ARHGEF11: variants seen among roughly 807,000 people sequenced by gnomAD.
ARHGEF11 encodes the protein Rho guanine exchange factor (GEF) 11.
ARHGEF11 carries 55 observed loss-of-function variants against 193.7 expected under a neutral mutation model. That is an observed-to-expected ratio of 0.28 (90% confidence interval 0.23 to 0.36). The LOEUF is 0.36. Ranked by LOEUF, ARHGEF11 falls within the 10% of genes least tolerant of loss-of-function variation. The pLI is 1.00. For synonymous variants in ARHGEF11, 693 were observed against 768.0 expected, an observed-to-expected ratio of 0.90 and a Z score of 1.62; for missense variants, 1,723 against 2,005.6, an observed-to-expected ratio of 0.86 and a Z score of 2.69.
In ARHGEF11 at chr1:156,993,160, C is replaced by T. The variant is rs1666015121; in HGVS notation, c.33-6987G>A. Among the ~76,000 whole-genome samples the T allele has an allele frequency of 1.3e-5, 2 of 152,170 alleles. 1 individual carries two copies. The highest frequency in any genetic ancestry group is 4.1e-4 in the South Asian group (2 of 4,826). Reference sequence around the variant, plus strand: ...ACATCCCCATTTTCCAGTGTGTGAACAGAGAGGTTAAATAAATGAAGTTAA... The same window carrying T: ...ACATCCCCATTTTCCAGTGTGTGAATAGAGAGGTTAAATAAATGAAGTTAA... On this transcript the variant is annotated intron_variant, in intron 1 of 40. Coordinates refer to ENST00000368194, the MANE Select transcript of ARHGEF11 (RefSeq NM_198236.3).
chr1:156,961,590 T>C, intron 14 of ARHGEF11, 87 bp downstream of exon 14: 1 of 1,112,300 alleles, frequency 9.0e-7, no homozygotes, highest in Non-Finnish European at 1.4e-6. Flanking sequence ...TGTCTCTGTT[T>C]GGCCTGGATG....
In ARHGEF11 at chr1:156,941,982, C is replaced by T; in HGVS notation, c.3334G>A (p.Glu1112Lys). ...TTCCGCACGGCCTCTTCTAAGAGCT[C>T]CATCCATCTGTTGCTCGGCAGGAAC... ...LTSSDKNTWM[E>K]LLEEAVRNAT... Residue 1112 changes from glutamate (E) to lysine (K), a missense_variant, in exon 34 of 41, where the codon GAG (glutamate) becomes AAG (lysine). Transcript: ENST00000368194. The T allele has an allele frequency of 6.2e-7, 1 of 1,614,124 alleles. No homozygotes were observed. The highest frequency in any genetic ancestry group is 8.5e-7 in the Non-Finnish European group (1 of 1,180,024).
At chr1:157,031,524 A>G (rs1200807815) in intron 1 of ARHGEF11, among the ~76,000 whole-genome samples, 1 of 152,178 alleles carries the variant, frequency 6.6e-6, no homozygotes, top group Non-Finnish European at 1.5e-5. Context: ...ACCTACCACT[A>G]TCCTCGGACC....
chr1:156,977,130 C>T (rs2102375443), intron 6 of ARHGEF11, 76 bp from the exon 7 acceptor site: 2 of 1,289,890 alleles, frequency 1.6e-6, no homozygotes, highest in East Asian at 4.6e-5. Context: ...CTGCTGGTTC[C>T]TGGGCAAGGA....
At chr1:157,034,177 C>T (rs1254053936) in intron 1 of ARHGEF11, among the ~76,000 whole-genome samples, 1 of 152,194 alleles carries the variant, frequency 6.6e-6, no homozygotes, top group African/African-American at 2.4e-5. Flanking sequence ...GTTCTAGCTG[C>T]ACACAAGGTC....
intron 1 of ARHGEF11, among the ~76,000 whole-genome samples, chr1:157,010,645 C>A (rs1051731312): frequency 4.6e-5 from 7 of 151,992 alleles, no homozygotes; most frequent in Non-Finnish European, 8.8e-5. Context: ...TGGCCTCAAG[C>A]GATCCTCCCA....
At position 156,948,378 on chromosome 1, in the gene ARHGEF11, A is replaced by G. The variant is rs768021435; in HGVS notation, c.2046T>C (p.Ala682=). Residue 682 remains alanine (A), a synonymous_variant, in exon 23 of 41, where the codon GCT becomes GCC. Transcript: ENST00000368194. The surrounding 1 kb of genome is among the most constrained non-coding windows in gnomAD (Gnocchi z 4.2). ...RSRSDVDMDA[A]AEATRLHQSA... ...ACTGGTGCAGGCGAGTAGCCTCCGC[A>G]GCAGCATCCATGTCAACATCACTGC... is the stretch of plus-strand genomic sequence containing the variant. 1 of 1,614,248 alleles carries G rather than the reference A, an allele frequency of 6.2e-7. No homozygotes were observed.
intron 1 of ARHGEF11, among the ~76,000 whole-genome samples, chr1:157,011,028 G>C (rs1267326950): frequency 6.6e-6 from 1 of 152,112 alleles, no homozygotes; most frequent in African/African-American, 2.4e-5. Flanking sequence ...ATATGAAAAT[G>C]AATAGCTAAA....
rs1293521898 is a variant in ARHGEF11, at chr1:157,045,211, G to C, written c.-881C>G. The C allele has an allele frequency of 6.6e-6, 1 of 151,958 alleles. No individual in the cohort carries two copies. The highest frequency in any genetic ancestry group is 1.5e-5 in the Non-Finnish European group (1 of 68,022). 9.4% of individuals were successfully genotyped at this position (151,958 alleles called of 1,614,324 possible). On this transcript the variant is annotated 5_prime_UTR_variant, in exon 1 of 41. Coordinates refer to ENST00000368194, the MANE Select transcript of ARHGEF11 (RefSeq NM_198236.3). Reference sequence around the variant, plus strand: ...CTCCTTTTCTTTTTCCTTTAAACTTGCAGGTTCCTCCACCTACCCCAGCCT... The same window carrying C: ...CTCCTTTTCTTTTTCCTTTAAACTTCCAGGTTCCTCCACCTACCCCAGCCT...
chr1:156,944,161 CA>C (rs937215134), intron 31 of ARHGEF11, 59 bp from the exon 32 acceptor site: 29 of 1,572,596 alleles, frequency 1.8e-5, no homozygotes, highest in Middle Eastern at 3.4e-4. Flanking sequence ...CTCATGAGCA[CA>C]ATGCAGGGCC....
At chr1:157,026,259 G>A (rs569868269) in intron 1 of ARHGEF11, among the ~76,000 whole-genome samples, 2 of 152,286 alleles carry the variant, frequency 1.3e-5, no homozygotes, top group East Asian at 3.9e-4. Flanking sequence ...TCTACCTTCT[G>A]TAGCTACCTT....
intron 1 of ARHGEF11, among the ~76,000 whole-genome samples, chr1:157,032,021 A>G (rs1671369408): frequency 6.6e-6 from 1 of 152,190 alleles, no homozygotes; most frequent in African/African-American, 2.4e-5. Context: ...TATTGAAATT[A>G]TATATATTTG....
chr1:156,980,735 G>A (rs1053298369), intron 3 of ARHGEF11, among the ~76,000 whole-genome samples: 1 of 150,254 alleles, frequency 6.7e-6, no homozygotes, highest in African/African-American at 2.4e-5. Flanking sequence ...TGATAGCCAG[G>A]CCAAGGCAGG....
At position 156,935,803 on chromosome 1, in the gene ARHGEF11, A is replaced by G. The variant is rs1654937224; in HGVS notation, c.*197T>C. The G allele has an allele frequency of 1.6e-6, 1 of 607,648 alleles. No individual in the cohort carries two copies. The highest frequency in any genetic ancestry group is 2.9e-6 in the Non-Finnish European group (1 of 348,366). The allele number at this position is 607,648 out of a possible 1,614,324, so 37.6% of individuals were successfully genotyped here. A position where few individuals can be genotyped will look rare whatever the true frequency, so the allele number is the denominator to read the frequency against. On this transcript the variant is annotated 3_prime_UTR_variant, in exon 41 of 41. Transcript: ENST00000368194. ...TGGAGGGTTGGGCTAAGGGAGGGAAAAGACACTGAAACCTGACTCCGACTT... is the reference window on the plus strand; with the variant it reads ...TGGAGGGTTGGGCTAAGGGAGGGAAGAGACACTGAAACCTGACTCCGACTT...
intron 1 of ARHGEF11, among the ~76,000 whole-genome samples, chr1:156,999,253 A>G (rs2102652550): frequency 6.6e-6 from 1 of 152,306 alleles, no homozygotes; most frequent in South Asian, 2.1e-4. Context: ...GGATAAGGAA[A>G]ATGAGGTTCA....
At chr1:157,013,390 G>T (rs1411052086) in intron 1 of ARHGEF11, among the ~76,000 whole-genome samples, 1 of 151,482 alleles carries the variant, frequency 6.6e-6, no homozygotes, top group African/African-American at 2.4e-5. Context: ...GTCTCACCAT[G>T]CCTACTCCTT....
chr1:156,985,887 C>A, intron 2 of ARHGEF11, 195 bp downstream of exon 2: 1 of 510,952 alleles, frequency 2.0e-6, no homozygotes, highest in Non-Finnish European at 3.5e-6. Flanking sequence ...CCTTCGGCAA[C>A]CTGGTAGTTC....
At chr1:157,019,877 T>G (rs576807913) in intron 1 of ARHGEF11, among the ~76,000 whole-genome samples, 8 of 152,118 alleles carry the variant, frequency 5.3e-5, no homozygotes, top group Non-Finnish European at 8.8e-5. Context: ...AGAAGAGAGA[T>G]GCACTTTGGG....
intron 37 of ARHGEF11, 44 bp downstream of exon 37, chr1:156,939,504 G>C (rs1656318676): frequency 1.2e-6 from 2 of 1,602,404 alleles, no homozygotes; most frequent in Non-Finnish European, 1.7e-6. Flanking sequence ...ATCTCACCTA[G>C]CAAGGGTGCT....
Sources: allele counts gnomAD v4.1 joint callset (sites outside exome capture counted in the v4.1 genomes callset), GRCh38; gene constraint gnomAD v4.1.1; non-coding constraint Gnocchi (gnomAD v3.1); transcripts MANE v1.5; gene names NCBI Gene and HGNC (gene_info 2026-07-23, HGNC 2026-07-21).